TDRD6: variants seen among roughly 807,000 people sequenced by gnomAD.
TDRD6 encodes tudor domain-containing protein 6.
Under a neutral mutation model 157.5 loss-of-function variants are expected in TDRD6, and 186 were observed. The ratio of observed to expected loss-of-function variants is 1.18; its 90% CI spans 1.05 to 1.33. The LOEUF (loss-of-function observed/expected upper bound fraction) is 1.33, where lower values mean the gene tolerates loss of function less well. TDRD6 is among the 40% of genes most tolerant of loss of function. The pLI is 0.00. For missense variants in TDRD6, 3,066 were observed against 2,508.0 expected, an observed-to-expected ratio of 1.22 and a Z score of -4.75; for synonymous variants, 1,075 against 945.2, an observed-to-expected ratio of 1.14 and a Z score of -2.52.
chr6:46,696,041 A>G, intron 2 of TDRD6, 96 bp downstream of exon 2: 2 of 1,342,726 alleles, frequency 1.5e-6, no homozygotes, highest in Non-Finnish European at 2.0e-6. Context: ...CGATTGAACA[A>G]ATGTTTACTT....
In TDRD6 at chr6:46,700,919, T is replaced by G. The variant is rs191905153; in HGVS notation, c.6262-939T>G. On this transcript the variant is annotated intron_variant, in intron 3 of 3. Transcript: ENST00000316081. ...TGTTGTTTACATCTTTTCTGGCTTA[T>G]CTGTGGTTCCATTTCTGATTTGAAT... 2.0e-4 allele frequency: 71 copies of G among 349,460 alleles called. No homozygotes were observed. In the East Asian group the frequency reaches 3.9e-3, roughly 19 times the overall value. The allele number at this position is 349,460 out of a possible 1,614,324, so 21.6% of individuals were successfully genotyped here. A position where few individuals can be genotyped will look rare whatever the true frequency, so the allele number is the denominator to read the frequency against.
intron 2 of TDRD6, among the ~76,000 whole-genome samples, chr6:46,697,021 C>A (rs774443245): frequency 6.6e-6 from 1 of 151,966 alleles, no homozygotes; most frequent in African/African-American, 2.4e-5. Flanking sequence ...AATTGGAGAG[C>A]CCCTGGCCTG....
intron 2 of TDRD6, among the ~76,000 whole-genome samples, chr6:46,696,222 T>A (rs1764492094): frequency 1.3e-5 from 2 of 151,996 alleles, no homozygotes; most frequent in Non-Finnish European, 2.9e-5. Context: ...AGTTGGAATT[T>A]TTTATATCTA....
At chr6:46,699,422 A>C (rs1416618814) in intron 3 of TDRD6, among the ~76,000 whole-genome samples, 1 of 152,192 alleles carries the variant, frequency 6.6e-6, no homozygotes, top group African/African-American at 2.4e-5. Flanking sequence ...CATAGCTGTC[A>C]CCAGGCAGTA....
In TDRD6 at chr6:46,693,842, C is replaced by CAG. The variant is rs773434581; in HGVS notation, c.5716_5717dup (p.Leu1907AsnfsTer2). ...CTCAGCTGTGAAGCTGAGAAACAGCCAGAACTAGAACTACCTACAGCCCAG... is the reference window on the plus strand; with the variant it reads ...CTCAGCTGTGAAGCTGAGAAACAGCCAGAGAACTAGAACTACCTACAGCCCAG... On this transcript the variant is annotated frameshift_variant, in exon 1 of 4. Coordinates refer to ENST00000316081, the MANE Select transcript of TDRD6 (RefSeq NM_001010870.3). LOFTEE classifies it high-confidence loss of function. The CAG allele has an allele frequency of 6.2e-7, 1 of 1,614,162 alleles. No individual in the cohort carries two copies. Among genetic ancestry groups the CAG allele is most frequent in the Admixed American group, 1.7e-5 (1 of 60,028 alleles).
In TDRD6 at chr6:46,692,087, T is replaced by G; in HGVS notation, c.3959T>G (p.Phe1320Cys). Reference sequence around the variant, plus strand: ...TCTCATATAAATGACCTTTCAGACTTTTATGTTCAACTAATAGAAGATGAA... The same window carrying G: ...TCTCATATAAATGACCTTTCAGACTGTTATGTTCAACTAATAGAAGATGAA... Reference protein sequence around the residue: ...YVSHINDLSDFYVQLIEDEAE... With the variant: ...YVSHINDLSDCYVQLIEDEAE... Residue 1320 changes from phenylalanine (F) to cysteine (C), a missense_variant, in exon 1 of 4, where the codon TTT (phenylalanine) becomes TGT (cysteine). Coordinates refer to ENST00000316081, the MANE Select transcript of TDRD6 (RefSeq NM_001010870.3). The G allele has an allele frequency of 6.2e-7, 1 of 1,613,104 alleles. No individual in the cohort carries two copies. The highest frequency in any genetic ancestry group is 8.5e-7 in the Non-Finnish European group (1 of 1,179,558).
chr6:46,698,204 C>A, intron 3 of TDRD6, 117 bp downstream of exon 3: 1 of 654,946 alleles, frequency 1.5e-6, no homozygotes, highest in Non-Finnish European at 2.5e-6. Flanking sequence ...AATCCTGTGA[C>A]AATAGTTAAA....
At position 46,693,549 on chromosome 6, in the gene TDRD6, T is replaced by C; in HGVS notation, c.5421T>C (p.Phe1807=). The C allele has an allele frequency of 1.9e-6, 3 of 1,614,048 alleles. No individual in the cohort carries two copies. The highest frequency in any genetic ancestry group is 2.2e-5 in the South Asian group (2 of 91,068). ...LECHLVDKAE[F]DDKYLITGFN... is the part of the protein sequence containing the mutation. Reference sequence around the variant, plus strand: ...GCCATCTGGTTGACAAAGCAGAGTTTGATGATAAATACCTGATTACAGGAT... The same window carrying C: ...GCCATCTGGTTGACAAAGCAGAGTTCGATGATAAATACCTGATTACAGGAT... Residue 1807 remains phenylalanine (F), a synonymous_variant, in exon 1 of 4, where the codon TTT becomes TTC. Coordinates refer to ENST00000316081, the MANE Select transcript of TDRD6 (RefSeq NM_001010870.3).
At position 46,703,245 on chromosome 6, in the gene TDRD6, T is replaced by C. The variant is rs181004810; in HGVS notation, c.*1358T>C. ...AGCATTATCAGACTCTGAAGCCTAA[T>C]GGAAATAGAATTATGAACCTTAAAA... is the stretch of plus-strand genomic sequence containing the variant. On this transcript the variant is annotated 3_prime_UTR_variant, in exon 4 of 4. Coordinates refer to ENST00000316081, the MANE Select transcript of TDRD6 (RefSeq NM_001010870.3). 2.0e-5 allele frequency: 3 copies of C among 152,160 alleles called. No homozygotes were observed. In the East Asian group the frequency reaches 5.8e-4, roughly 29 times the overall value. The allele number at this position is 152,160 out of a possible 1,614,324, so 9.4% of individuals were successfully genotyped here. A position where few individuals can be genotyped will look rare whatever the true frequency, so the allele number is the denominator to read the frequency against.
Position 46,691,190 on chromosome 6 carries a change from A to T in TDRD6, c.3062A>T (p.Gln1021Leu). 1 of 1,612,778 alleles carries T rather than the reference A, an allele frequency of 6.2e-7. No individual in the cohort carries two copies. Among genetic ancestry groups the T allele is most frequent in the Non-Finnish European group, 8.5e-7 (1 of 1,179,506 alleles). The change falls in exon 1 of 4, where the codon CAA becomes CTA. Residue 1021 changes from glutamine to leucine, a missense_variant. Physicochemically the swap from Gln to Leu is moderately radical, Grantham distance 113 (BLOSUM62 -2). Transcript: ENST00000316081. Reference sequence around the variant, plus strand: ...GAACAGTTGTCATGTAGTATTACACAATTAAGTAAAGTTTTGCTGAATTTA... The same window carrying T: ...GAACAGTTGTCATGTAGTATTACACTATTAAGTAAAGTTTTGCTGAATTTA... ...ILEQLSCSIT[Q>L]LSKVLLNLKT...
In TDRD6 at chr6:46,703,700, T is replaced by A. The variant is rs1362248539; in HGVS notation, c.*1813T>A. Reference sequence around the variant, plus strand: ...CCTCCATTTAATCGTGTTATTCTGTTTTACTACTACATATAGAATTGAAAA... The same window carrying A: ...CCTCCATTTAATCGTGTTATTCTGTATTACTACTACATATAGAATTGAAAA... On this transcript the variant is annotated 3_prime_UTR_variant, in exon 4 of 4. Coordinates refer to ENST00000316081, the MANE Select transcript of TDRD6 (RefSeq NM_001010870.3). 2 of 152,080 alleles carry A rather than the reference T, an allele frequency of 1.3e-5. No homozygotes were observed. Among genetic ancestry groups the A allele is most frequent in the Non-Finnish European group, 2.9e-5 (2 of 67,972 alleles). The allele number at this position is 152,080 out of a possible 1,614,324, so 9.4% of individuals were successfully genotyped here.
At chr6:46,686,476 TAAAAAA>T (rs35028991), upstream of TDRD6, among the ~76,000 whole-genome samples, 1 of 127,834 alleles carries the variant, frequency 7.8e-6, no homozygotes, top group Non-Finnish European at 1.7e-5. Context: ...TAGAAGTATG[TAAAAAA>T]AAAAAAAAAA....
chr6:46,704,278 A>G lies in TDRD6; in HGVS notation c.*2391A>G. 1 of 326,140 alleles carries G rather than the reference A, an allele frequency of 3.1e-6. No individual in the cohort carries two copies. Among genetic ancestry groups the G allele is most frequent in the Non-Finnish European group, 5.7e-6 (1 of 174,292 alleles). 20.2% of individuals were successfully genotyped at this position (326,140 alleles called of 1,614,324 possible). On this transcript the variant is annotated 3_prime_UTR_variant, in exon 4 of 4. Coordinates refer to ENST00000316081, the MANE Select transcript of TDRD6 (RefSeq NM_001010870.3). The stretch of plus-strand genomic sequence containing the variant: ...AAAACAGTTTTTAACTTCGACACTG[A>G]AAAGGAATCATCTTTAAAATTAAAA...
upstream of TDRD6, among the ~76,000 whole-genome samples, chr6:46,684,097 A>G (rs1238970608): frequency 1.3e-5 from 2 of 152,148 alleles, no homozygotes; most frequent in Non-Finnish European, 2.9e-5. Flanking sequence ...GTAATTCAAA[A>G]GACTATGCTC....
In TDRD6 at chr6:46,703,679, C is replaced by A. The variant is rs745500542; in HGVS notation, c.*1792C>A. The A allele has an allele frequency of 9.9e-5, 15 of 151,980 alleles. No individual in the cohort carries two copies. The highest frequency in any genetic ancestry group is 1.9e-4 in the Non-Finnish European group (13 of 67,960). The allele number at this position is 151,980 out of a possible 1,614,324, so 9.4% of individuals were successfully genotyped here. A position where few individuals can be genotyped will look rare whatever the true frequency, so the allele number is the denominator to read the frequency against. On this transcript the variant is annotated 3_prime_UTR_variant, in exon 4 of 4. Transcript: ENST00000316081. The stretch of plus-strand genomic sequence containing the variant: ...AATTCTTAAGCTATATTTTTACCTC[C>A]ATTTAATCGTGTTATTCTGTTTTAC...
upstream of TDRD6, among the ~76,000 whole-genome samples, chr6:46,685,557 G>C (rs925404703): frequency 2.0e-5 from 3 of 151,740 alleles, no homozygotes; most frequent in African/African-American, 7.3e-5. Context: ...TATCCCTTAC[G>C]TATTTGTATT....
chr6:46,695,684 G>T, intron 1 of TDRD6, 137 bp from the exon 2 acceptor site: 1 of 777,454 alleles, frequency 1.3e-6, no homozygotes, highest in African/African-American at 1.8e-5. Flanking sequence ...AATTGAGGGA[G>T]ACAGTCATAC....
rs1207642572 is a variant in TDRD6, at chr6:46,702,014, A to C, written c.*127A>C. On this transcript the variant is annotated 3_prime_UTR_variant, in exon 4 of 4. Coordinates refer to ENST00000316081, the MANE Select transcript of TDRD6 (RefSeq NM_001010870.3). ...CCACAAGAAGTTGTCATTTTCAAAA[A>C]CTTCTATATAGGTGGAAAACAAATT... The C allele has an allele frequency of 9.1e-7, 1 of 1,093,524 alleles. No individual in the cohort carries two copies. Among genetic ancestry groups the C allele is most frequent in the East Asian group, 2.4e-5 (1 of 41,356 alleles). The allele number at this position is 1,093,524 out of a possible 1,614,324, so 67.7% of individuals were successfully genotyped here. A position where few individuals can be genotyped will look rare whatever the true frequency, so the allele number is the denominator to read the frequency against.
intron 2 of TDRD6, among the ~76,000 whole-genome samples, chr6:46,696,798 A>G (rs1764515531): frequency 1.3e-5 from 2 of 150,000 alleles, no homozygotes; most frequent in African/African-American, 4.9e-5. Flanking sequence ...TTTTTAGTAG[A>G]GACGGGGTTT....
Sources: allele counts gnomAD v4.1 joint callset (sites outside exome capture counted in the v4.1 genomes callset), GRCh38; gene constraint gnomAD v4.1.1; transcripts MANE v1.5; gene names NCBI Gene and HGNC (gene_info 2026-07-23, HGNC 2026-07-21).